The following AKAP13 variants were observed in gnomAD, a reference collection of about 807,000 sequenced individuals.
AKAP13 encodes A-kinase anchoring protein 13.
AKAP13 carries 80 observed loss-of-function variants against 264.5 expected under a neutral mutation model. The observed-to-expected ratio is 0.30, with a 90% CI of 0.25 to 0.36. The LOEUF (loss-of-function observed/expected upper bound fraction) is 0.36. Among genes scored for constraint, AKAP13 ranks in the 10% least tolerant of loss-of-function variants. The pLI is 1.00. For synonymous variants in AKAP13, 1,380 were observed against 1,250.2 expected (o/e 1.10, Z -2.19); for missense variants, 3,712 against 3,435.2 (o/e 1.08, Z -2.01).
At chr15:85,569,104 T>G (rs1216095172) in intron 5 of AKAP13, among the ~76,000 whole-genome samples, 3 of 152,186 alleles carry the variant, frequency 2.0e-5, no homozygotes, top group East Asian at 3.8e-4. Flanking sequence ...TGGAAATAGG[T>G]TTGGCATTGC....
intron 3 of AKAP13, among the ~76,000 whole-genome samples, chr15:85,527,153 CG>C (rs1442883779): frequency 1.3e-4 from 19 of 151,972 alleles, no homozygotes; most frequent in Non-Finnish European, 2.6e-4. Flanking sequence ...TTAGTAGAGA[CG>C]GGGTTTCACC....
chr15:85,650,303 C>T (rs373498549), intron 10 of AKAP13, among the ~76,000 whole-genome samples: 1 of 151,766 alleles, frequency 6.6e-6, no homozygotes, highest in South Asian at 2.1e-4. Flanking sequence ...TGGTGGCACA[C>T]GTCTGTAGTC....
intron 5 of AKAP13, among the ~76,000 whole-genome samples, chr15:85,550,516 T>C (rs1229894257): frequency 6.6e-6 from 1 of 152,216 alleles, no homozygotes; most frequent in Non-Finnish European, 1.5e-5. Flanking sequence ...GAGTGACTAC[T>C]CAAGAATACA....
intron 1 of AKAP13, among the ~76,000 whole-genome samples, chr15:85,434,673 G>A (rs1423643411): frequency 1.3e-5 from 2 of 152,100 alleles, no homozygotes; most frequent in Non-Finnish European, 2.9e-5. Flanking sequence ...CCTGACCCCC[G>A]AGCAGCCTAA....
In AKAP13 at chr15:85,406,924, A is replaced by AG. The variant is rs544478553; in HGVS notation, c.-12+26129dup. Among the ~76,000 whole-genome samples, 30 of 151,880 alleles carry AG rather than the reference A, an allele frequency of 2.0e-4. No individual in the cohort carries two copies. The South Asian group carries it at 6.2e-3, about 31-fold the overall frequency. On this transcript the variant is annotated intron_variant, in intron 1 of 36. Coordinates refer to ENST00000394518, the MANE Select transcript of AKAP13 (RefSeq NM_007200.5). The stretch of plus-strand genomic sequence containing the variant: ...TATGGGCTAGGCCCTGAAAGAACCA[A>AG]GGGAGAGTAAAGCACAGTCCTAGGC...
chr15:85,442,540 T>TA (rs2073743384), intron 1 of AKAP13, among the ~76,000 whole-genome samples: 1 of 130,924 alleles, frequency 7.6e-6, no homozygotes, highest in Non-Finnish European at 1.6e-5. Flanking sequence ...ATAATATATA[T>TA]TATATATATA....
At chr15:85,668,248 G>A (rs1178536183) in intron 13 of AKAP13, among the ~76,000 whole-genome samples, 1 of 152,240 alleles carries the variant, frequency 6.6e-6, no homozygotes, top group Non-Finnish European at 1.5e-5. Flanking sequence ...TGGCCTAAGT[G>A]AGTCAAGTTC....
chr15:85,465,135 A>G lies in AKAP13; in HGVS notation c.-11-20575A>G, dbSNP rs774359372. Among the ~76,000 whole-genome samples the G allele has an allele frequency of 2.2e-3, 250 of 114,182 alleles. 1 individual carries two copies. Among genetic ancestry groups the G allele is most frequent in the Non-Finnish European group, 3.9e-3 (215 of 54,514 alleles). 74.9% of individuals were successfully genotyped at this position (114,182 alleles called of 152,430 possible). On this transcript the variant is annotated intron_variant, in intron 1 of 36. Coordinates refer to ENST00000394518, the MANE Select transcript of AKAP13 (RefSeq NM_007200.5). ...TTTTTTTTTTTTTGTATTTTTTTTTAGTAGAGACGGGGTTTCATGTGTTAG... is the reference window on the plus strand; with the variant it reads ...TTTTTTTTTTTTTGTATTTTTTTTTGGTAGAGACGGGGTTTCATGTGTTAG...
intron 12 of AKAP13, among the ~76,000 whole-genome samples, chr15:85,658,899 C>T (rs338548): frequency 0.063 from 9,519 of 152,040 alleles, 633 homozygotes; most frequent in East Asian, 0.36. Context: ...TAGGAGAGTT[C>T]GAAGAATTGT....
chr15:85,683,213 A>G (rs964113144), intron 15 of AKAP13, among the ~76,000 whole-genome samples: 7 of 152,082 alleles, frequency 4.6e-5, no homozygotes, highest in African/African-American at 1.4e-4. Flanking sequence ...TGGTTTTCAT[A>G]CCATTTCCCC....
intron 1 of AKAP13, among the ~76,000 whole-genome samples, chr15:85,392,456 T>A (rs752465826): frequency 2.6e-5 from 4 of 152,100 alleles, no homozygotes; most frequent in Non-Finnish European, 5.9e-5. Context: ...GGTTTCACCA[T>A]GTTGGCCAGT....
chr15:85,417,449 A>T (rs2072294835), intron 1 of AKAP13, among the ~76,000 whole-genome samples: 2 of 152,240 alleles, frequency 1.3e-5, no homozygotes, highest in Admixed American at 6.5e-5. Context: ...TTATGTAAAA[A>T]TTAACCAGAA....
At chr15:85,573,975 A>G (rs957899157) in intron 5 of AKAP13, among the ~76,000 whole-genome samples, 2 of 152,188 alleles carry the variant, frequency 1.3e-5, no homozygotes, top group Non-Finnish European at 1.5e-5. Flanking sequence ...TGCTTAGATT[A>G]TAATATCTGT....
intron 1 of AKAP13, among the ~76,000 whole-genome samples, chr15:85,437,017 C>G (rs1228379667): frequency 6.8e-6 from 1 of 147,654 alleles, no homozygotes; most frequent in Non-Finnish European, 1.5e-5. Context: ...TTCAAAAAAT[C>G]AATGAATCCA....
chr15:85,533,671 A>T lies in AKAP13; in HGVS notation c.269A>T (p.His90Leu). 1 of 1,614,166 alleles carries T rather than the reference A, an allele frequency of 6.2e-7. No homozygotes were observed. Among genetic ancestry groups the T allele is most frequent in the Non-Finnish European group, 8.5e-7 (1 of 1,180,022 alleles). ...PVFVVAEEDFHFVQDEAYDAA... is the reference protein window; with the variant it reads ...PVFVVAEEDFLFVQDEAYDAA... ...TTTGTGGTGGCTGAAGAAGACTTTC[A>T]TTTCGTCCAGGATGAAGCGTATGAT... The change falls in exon 4 of 37, where the codon CAT becomes CTT. Residue 90 changes from histidine to leucine, a missense_variant. This residue lies in a region of AKAP13 where 2,759 missense variants were observed against 2,411.7 expected (regional missense o/e 1.14). Coordinates refer to ENST00000394518, the MANE Select transcript of AKAP13 (RefSeq NM_007200.5).
intron 20 of AKAP13, among the ~76,000 whole-genome samples, chr15:85,716,145 G>A (rs1192800606): frequency 1.3e-5 from 2 of 152,014 alleles, no homozygotes; most frequent in African/African-American, 2.4e-5. Context: ...GCTGGTTGCT[G>A]TAGGCTTTTT....
chr15:85,471,475 A>G (rs985442537), intron 1 of AKAP13, among the ~76,000 whole-genome samples: 3 of 152,218 alleles, frequency 2.0e-5, no homozygotes, highest in African/African-American at 4.8e-5. Context: ...AGCCTGGGCG[A>G]CAGAGTGAGA....
chr15:85,509,955 A>G (rs2076365401), intron 2 of AKAP13, among the ~76,000 whole-genome samples: 2 of 152,236 alleles, frequency 1.3e-5, no homozygotes, highest in Non-Finnish European at 2.9e-5. Context: ...ATTTGAAATC[A>G]GGTGAGAGAG....
chr15:85,741,113 C>G lies in AKAP13; in HGVS notation c.7676C>G (p.Thr2559Ser), dbSNP rs756920513. The G allele has an allele frequency of 6.8e-6, 11 of 1,613,590 alleles. No homozygotes were observed. The highest frequency in any genetic ancestry group is 1.3e-5 in the African/African-American group (1 of 74,932). The change falls in exon 35 of 37, where the codon ACT becomes AGT. Residue 2559 changes from threonine to serine, a missense_variant. Physicochemically the swap from Thr to Ser is moderately conservative, Grantham distance 58. Around this residue, in one of 3 missense-constraint regions of AKAP13, gnomAD observed 611 missense variants for 539.3 expected, o/e 1.13. Transcript: ENST00000394518. ...CTGGTGCTGAGCGAGAGGGCGCTCA[C>G]TCGCAGCTTGTCCCGCCCGAGCTCC... is the stretch of plus-strand genomic sequence containing the variant. ...QKLVLSERAL[T>S]RSLSRPSSLI...
Sources: allele counts gnomAD v4.1 joint callset (sites outside exome capture counted in the v4.1 genomes callset), GRCh38; gene constraint gnomAD v4.1.1; regional missense constraint gnomAD v4.1.1; transcripts MANE v1.5; gene names NCBI Gene and HGNC (gene_info 2026-07-23, HGNC 2026-07-21).